DNMBP: variants seen among roughly 807,000 people sequenced by gnomAD.
DNMBP encodes dynamin binding protein, also known as dynamin-binding protein.
A neutral mutation model predicts 150.0 loss-of-function variants in DNMBP; 87 were observed. The ratio of observed to expected loss-of-function variants is 0.58; its 90% CI spans 0.49 to 0.69. The LOEUF is 0.69. Among genes scored for constraint, DNMBP ranks in the 30% least tolerant of loss-of-function variants. The pLI is 0.00. For synonymous variants in DNMBP, 711 were observed against 750.4 expected (o/e 0.95, Z 0.86); for missense variants, 1,774 against 1,949.0 (o/e 0.91, Z 1.69).
At chr10:99,885,898 AAAG>A (rs779641918) in intron 13 of DNMBP, 32 bp from the exon 14 acceptor site, 37 of 1,555,442 alleles carry the variant, frequency 2.4e-5, no homozygotes, top group Non-Finnish European at 3.0e-5. Flanking sequence ...GAGATAGAGA[AAAG>A]AAGAAAACAC....
Position 99,902,303 on chromosome 10 carries a change from C to CTTTTTT in DNMBP, c.2555-2243_2555-2238dup, listed in dbSNP as rs34120125. On this transcript the variant is annotated intron_variant, in intron 6 of 16. Coordinates refer to ENST00000324109, the MANE Select transcript of DNMBP (RefSeq NM_015221.4). Reference sequence around the variant, plus strand: ...CCCTTTCTCACTGGAAGCCTCCCTTCTTTTTTTTTTTTTTTTTTTTTTTTG... The same window carrying CTTTTTT: ...CCCTTTCTCACTGGAAGCCTCCCTTCTTTTTTTTTTTTTTTTTTTTTTTTTTTTTTG... Among the ~76,000 whole-genome samples the CTTTTTT allele has an allele frequency of 5.4e-3, 445 of 82,758 alleles. 7 individuals carry two copies. Among genetic ancestry groups the CTTTTTT allele is most frequent in the Non-Finnish European group, 6.7e-3 (289 of 43,350 alleles). The allele number at this position is 82,758 out of a possible 152,430, so 54.3% of individuals were successfully genotyped here.
intron 15 of DNMBP, among the ~76,000 whole-genome samples, chr10:99,880,736 G>A (rs74546524): frequency 6.6e-6 from 1 of 152,236 alleles, no homozygotes; most frequent in African/African-American, 2.4e-5. Context: ...AGGACACTGA[G>A]ATCATGCCTA....
At chr10:99,921,724 G>T (rs973319524) in intron 4 of DNMBP, among the ~76,000 whole-genome samples, 1 of 151,652 alleles carries the variant, frequency 6.6e-6, no homozygotes, top group African/African-American at 2.4e-5. Context: ...ACGTAGCTGG[G>T]TGTGATGGTA....
Position 99,942,459 on chromosome 10 carries a change from C to G in DNMBP, c.2260+12755G>C, listed in dbSNP as rs192506846. ...TGGTAAAGTGAACAGTAAAAGGCAG[C>G]AAGCAGCTCAGGTAGGGGTGTGATG... is the stretch of plus-strand genomic sequence containing the variant. On this transcript the variant is annotated intron_variant, in intron 4 of 16. Transcript: ENST00000324109. Among the ~76,000 whole-genome samples the G allele has an allele frequency of 2.0e-5, 3 of 152,238 alleles. No individual in the cohort carries two copies. The East Asian group carries it at 5.8e-4, about 29-fold the overall frequency.
intron 4 of DNMBP, among the ~76,000 whole-genome samples, chr10:99,918,382 C>G (rs1247269013): frequency 6.6e-6 from 1 of 152,052 alleles, no homozygotes; most frequent in Non-Finnish European, 1.5e-5. Flanking sequence ...GAAAAACGTT[C>G]CTGGTGGCTT....
intron 1 of DNMBP, among the ~76,000 whole-genome samples, chr10:99,998,595 A>AG (rs2040978451): frequency 6.6e-6 from 1 of 151,900 alleles, no homozygotes; most frequent in Non-Finnish European, 1.5e-5. Context: ...AAAAAAAAAA[A>AG]AAAGAAACAC....
intron 1 of DNMBP, among the ~76,000 whole-genome samples, chr10:100,007,555 T>C (rs183752224): frequency 6.6e-6 from 1 of 151,806 alleles, no homozygotes; most frequent in African/African-American, 2.4e-5. Context: ...CAATGCCCTA[T>C]GTGCCTGCCC....
chr10:99,961,669 T>A (rs1214872141), intron 3 of DNMBP, among the ~76,000 whole-genome samples: 1 of 152,260 alleles, frequency 6.6e-6, no homozygotes, highest in Non-Finnish European at 1.5e-5. Flanking sequence ...ACCAATTGAT[T>A]CATGACAAAT....
intron 1 of DNMBP, among the ~76,000 whole-genome samples, chr10:100,008,448 C>T (rs984426360): frequency 2.0e-5 from 3 of 152,204 alleles, no homozygotes; most frequent in Non-Finnish European, 1.5e-5. Flanking sequence ...GAAATCACTC[C>T]ATTGCAGCCT....
intron 12 of DNMBP, among the ~76,000 whole-genome samples, chr10:99,886,971 CATTT>C (rs2039476816): frequency 6.6e-6 from 1 of 152,144 alleles, no homozygotes; most frequent in Non-Finnish European, 1.5e-5. Flanking sequence ...TACCTGGTAA[CATTT>C]ATTATGTGTA....
chr10:99,932,225 G>A (rs2040167404), intron 4 of DNMBP, among the ~76,000 whole-genome samples: 1 of 152,116 alleles, frequency 6.6e-6, no homozygotes, highest in African/African-American at 2.4e-5. Context: ...AGAACCCTGA[G>A]GAAAACTGCC....
intron 4 of DNMBP, among the ~76,000 whole-genome samples, chr10:99,926,088 T>C (rs1185041439): frequency 6.6e-6 from 1 of 152,178 alleles, no homozygotes; most frequent in African/African-American, 2.4e-5. Flanking sequence ...TATCCTAATA[T>C]TATTTACATG....
chr10:99,898,654 T>G, intron 8 of DNMBP, 89 bp downstream of exon 8: 1 of 1,429,228 alleles, frequency 7.0e-7, no homozygotes, highest in Non-Finnish European at 9.8e-7. Flanking sequence ...GGTTTGTCTA[T>G]AAAGGAAGAA....
rs193034894 is a variant in DNMBP at position 99,964,071 on chromosome 10, A to T, written c.268+5044T>A. ...AGGCAATTATTAGTGATATTTTATC[A>T]CTTGTCATAATATGCACTAACTTGT... On this transcript the variant is annotated intron_variant, in intron 3 of 16. Coordinates refer to ENST00000324109, the MANE Select transcript of DNMBP (RefSeq NM_015221.4). 4.4e-3 allele frequency among the ~76,000 whole-genome samples: 661 copies of T among 149,966 alleles called. 3 individuals are homozygous for T. Among genetic ancestry groups the T allele is most frequent in the African/African-American group, 0.016 (646 of 40,462 alleles).
rs2040510645 is a variant in DNMBP, at chr10:99,957,215, AGAG to A, written c.269-13_269-11del. 1 of 1,594,714 alleles carries A rather than the reference AGAG, an allele frequency of 6.3e-7. No individual in the cohort carries two copies. Among genetic ancestry groups the A allele is most frequent in the Admixed American group, 1.7e-5 (1 of 59,766 alleles). On this transcript the variant is annotated splice_polypyrimidine_tract_variant and intron_variant, in intron 3 of 16. Coordinates refer to ENST00000324109, the MANE Select transcript of DNMBP (RefSeq NM_015221.4). ...AGAATCACCAGGTCACCTAAAGAAA[AGAG>A]GAGCAGAGATGGTGACCTCAGTCAT... is the stretch of plus-strand genomic sequence containing the variant.
chr10:99,898,621 C>A, intron 8 of DNMBP, 122 bp downstream of exon 8: 1 of 1,069,560 alleles, frequency 9.3e-7, no homozygotes, highest in East Asian at 2.4e-5. Context: ...GAAAGAAAAC[C>A]CAGCAAGGTG....
chr10:99,957,349 C>A (rs940871548), intron 3 of DNMBP, 144 bp from the exon 4 acceptor site: 3 of 744,136 alleles, frequency 4.0e-6, no homozygotes, highest in Non-Finnish European at 6.4e-6. Context: ...ACAATTTTGA[C>A]AATTTATTGA....
chr10:99,962,435 T>C (rs1244301597), intron 3 of DNMBP, among the ~76,000 whole-genome samples: 1 of 152,086 alleles, frequency 6.6e-6, no homozygotes, highest in Non-Finnish European at 1.5e-5. Flanking sequence ...ATTGAGACCA[T>C]CCTGGCTAAC....
chr10:99,994,329 C>T (rs1256616396), intron 1 of DNMBP, among the ~76,000 whole-genome samples: 6 of 152,150 alleles, frequency 3.9e-5, no homozygotes, highest in African/African-American at 9.7e-5. Flanking sequence ...ACATTTAATA[C>T]ATTTCCTGGC....
Sources: gnomAD v4.1 joint callset for allele counts (sites outside exome capture counted in the v4.1 genomes callset) on GRCh38, gnomAD v4.1.1 for gene constraint, MANE v1.5 for transcripts, NCBI Gene and HGNC (gene_info 2026-07-23, HGNC 2026-07-21) for gene names.